Variants in MYO10 observed in about 807,000 individuals in gnomAD.
MYO10 encodes myosin X, also known as unconventional myosin-X.
In MYO10, 133 loss-of-function variants were observed where a neutral mutation model predicts 257.3. That is an observed-to-expected ratio of 0.52 (90% CI 0.45 to 0.60). The LOEUF (loss-of-function observed/expected upper bound fraction) is 0.60, where lower values mean the gene tolerates loss of function less well. Among genes scored for constraint, MYO10 ranks in the 20% least tolerant of loss-of-function variants. The pLI, the probability that MYO10 is intolerant of heterozygous loss-of-function variation, is 0.00. For synonymous variants in MYO10, 1,104 were observed against 1,028.6 expected (o/e 1.07, Z -1.40); for missense variants, 2,399 against 2,635.7 (o/e 0.91, Z 1.97).
At chr5:16,894,062 G>A (rs1745153153) in intron 1 of MYO10, among the ~76,000 whole-genome samples, 1 of 152,086 alleles carries the variant, frequency 6.6e-6, no homozygotes, top group Non-Finnish European at 1.5e-5. Context: ...ATAATACAGG[G>A]AGTCCCTGTA....
chr5:16,801,300 C>A (rs1477575219), intron 3 of MYO10, among the ~76,000 whole-genome samples: 1 of 152,126 alleles, frequency 6.6e-6, no homozygotes, highest in South Asian at 2.1e-4. Flanking sequence ...CTCCGCCTCC[C>A]GGGTTAAAGC....
rs1287431360 is a variant in MYO10, at chr5:16,828,604, A to G, written c.121-10437T>C. ...CACTGCACTCCAGCCTGGATGACAG[A>G]GAGAGACTCTGTCTCCAAAAAAAAA... On this transcript the variant is annotated intron_variant, in intron 2 of 40. Coordinates refer to ENST00000513610, the MANE Select transcript of MYO10 (RefSeq NM_012334.3). Among the ~76,000 whole-genome samples the G allele has an allele frequency of 6.2e-5, 9 of 144,444 alleles. 2 individuals carry two copies. The highest frequency in any genetic ancestry group is 4.2e-4 in the Admixed American group (6 of 14,172). The allele number at this position is 144,444 out of a possible 152,430, so 94.8% of individuals were successfully genotyped here. A position where few individuals can be genotyped will look rare whatever the true frequency, so the allele number is the denominator to read the frequency against.
intron 11 of MYO10, 39 bp downstream of exon 11, chr5:16,766,041 T>C (rs377741730): frequency 7.6e-6 from 11 of 1,441,792 alleles, no homozygotes; most frequent in Non-Finnish European, 1.1e-5. Flanking sequence ...AACCCAGGAG[T>C]GTCTAGTAAC....
intron 9 of MYO10, among the ~76,000 whole-genome samples, chr5:16,773,022 T>C (rs1361067400): frequency 1.3e-5 from 2 of 152,210 alleles, no homozygotes; most frequent in African/African-American, 2.4e-5. Flanking sequence ...AAATTCAAAA[T>C]TCACTGAAAT....
chr5:16,758,236 G>A lies in MYO10; in HGVS notation c.1740-10C>T. On this transcript the variant is annotated splice_polypyrimidine_tract_variant and intron_variant, in intron 17 of 40. Transcript: ENST00000513610. ...GTAGATAAAGTCAAATCTGTGTGAG[G>A]CAAGAGCAGGAGGTCAGTGAGGCAC... 1 of 1,575,226 alleles carries A rather than the reference G, an allele frequency of 6.3e-7. No homozygotes were observed. The highest frequency in any genetic ancestry group is 8.7e-7 in the Non-Finnish European group (1 of 1,144,866).
intron 39 of MYO10, among the ~76,000 whole-genome samples, chr5:16,669,013 CTTTACCAG>C (rs1736311990): frequency 6.6e-6 from 1 of 152,098 alleles, no homozygotes; most frequent in Admixed American, 6.6e-5. Flanking sequence ...GGAACAGGGA[CTTTACCAG>C]TTTAACTGTA....
At chr5:16,909,492 C>G (rs796308964) in intron 1 of MYO10, among the ~76,000 whole-genome samples, 1 of 129,680 alleles carries the variant, frequency 7.7e-6, no homozygotes, top group East Asian at 2.3e-4. Context: ...GCCAACAGAG[C>G]GAAACTCCAA....
intron 2 of MYO10, among the ~76,000 whole-genome samples, chr5:16,843,632 A>T (rs1743548271): frequency 6.6e-6 from 1 of 152,200 alleles, no homozygotes; most frequent in Admixed American, 6.5e-5. Flanking sequence ...CTAACTTTCT[A>T]TCAGCAAGCA....
intron 32 of MYO10, 106 bp from the exon 33 acceptor site, chr5:16,680,210 A>T (rs1736925811): frequency 7.5e-7 from 1 of 1,336,838 alleles, no homozygotes; most frequent in South Asian, 1.5e-5. Context: ...ATTCAATTCA[A>T]TAGACACTGG....
intron 2 of MYO10, among the ~76,000 whole-genome samples, chr5:16,830,679 G>GCACACACACACACACACACA (rs1554000807): frequency 2.7e-5 from 4 of 148,920 alleles, no homozygotes; most frequent in African/African-American, 1.0e-4. Flanking sequence ...TTTTTAATAG[G>GCACACACACACACACACACA]CACACACACA....
chr5:16,669,469 G>A (rs1454739805), intron 39 of MYO10, among the ~76,000 whole-genome samples: 1 of 152,260 alleles, frequency 6.6e-6, no homozygotes, highest in South Asian at 2.1e-4. Context: ...CTCCCAAAGC[G>A]CTGGGATTAC....
chr5:16,803,175 CAGCAGTTTGGG>C (rs1742173448), intron 3 of MYO10, among the ~76,000 whole-genome samples: 1 of 151,974 alleles, frequency 6.6e-6, no homozygotes, highest in South Asian at 2.1e-4. Context: ...CCCGTAATCC[CAGCAGTTTGGG>C]AGGCCGAGGC....
At chr5:16,893,791 T>A (rs1264372640) in intron 1 of MYO10, among the ~76,000 whole-genome samples, 1 of 152,138 alleles carries the variant, frequency 6.6e-6, no homozygotes, top group African/African-American at 2.4e-5. Context: ...GGGGCAGCAC[T>A]TCTGATGGCC....
chr5:16,710,970 A>T lies in MYO10; in HGVS notation c.2107T>A (p.Cys703Ser). 6.2e-7 allele frequency: 1 copy of T among 1,613,872 alleles called. No individual in the cohort carries two copies. The highest frequency in any genetic ancestry group is 8.5e-7 in the Non-Finnish European group (1 of 1,179,862). ...TCATAGAGCTGCAGCAGGCTCGTGC[A>T]CTTCCCTCGGACGTCCTCAGGCAGA... Reference protein sequence around the residue: ...LALPEDVRGKCTSLLQLYDAS... With the variant: ...LALPEDVRGKSTSLLQLYDAS... Residue 703 changes from cysteine to serine, a missense_variant, in exon 21 of 41, where the codon TGC becomes AGC. This residue lies in a region of MYO10 where 1,820 missense variants were observed against 1,939.4 expected (regional missense o/e 0.94). Coordinates refer to ENST00000513610, the MANE Select transcript of MYO10 (RefSeq NM_012334.3).
chr5:16,680,852 C>T (rs138444925), intron 32 of MYO10, among the ~76,000 whole-genome samples: 7 of 152,136 alleles, frequency 4.6e-5, no homozygotes, highest in African/African-American at 1.4e-4. Context: ...AAAATTAGCC[C>T]GGTGTGATGG....
chr5:16,907,980 C>G (rs189818396), intron 1 of MYO10, among the ~76,000 whole-genome samples: 85 of 152,352 alleles, frequency 5.6e-4, no homozygotes, highest in African/African-American at 2.0e-3. Context: ...CGCCTGTAAT[C>G]CCAACACTTT....
chr5:16,736,359 G>A (rs1384952359), intron 19 of MYO10, among the ~76,000 whole-genome samples: 1 of 152,202 alleles, frequency 6.6e-6, no homozygotes, highest in African/African-American at 2.4e-5. Flanking sequence ...GCCCCAGATA[G>A]CAGGAGCAAC....
At chr5:16,686,203 ATTAC>A (rs1331873694) in intron 28 of MYO10, among the ~76,000 whole-genome samples, 1 of 152,186 alleles carries the variant, frequency 6.6e-6, no homozygotes, top group East Asian at 1.9e-4. Flanking sequence ...TACTTAAGAT[ATTAC>A]TTATAAACTA....
intron 2 of MYO10, among the ~76,000 whole-genome samples, chr5:16,844,899 T>C (rs1743583192): frequency 6.6e-6 from 1 of 151,618 alleles, no homozygotes; most frequent in East Asian, 1.9e-4. Context: ...TTTGTTAAAC[T>C]CTCCAACAAG....
Sources: gnomAD v4.1 joint callset for allele counts (sites outside exome capture counted in the v4.1 genomes callset) on GRCh38, gnomAD v4.1.1 for gene constraint, gnomAD v4.1.1 regional missense constraint, MANE v1.5 for transcripts, NCBI Gene and HGNC (gene_info 2026-07-23, HGNC 2026-07-21) for gene names.